EDA: variants seen among roughly 807,000 people sequenced by gnomAD.
EDA encodes the protein ectodysplasin-A.
In EDA, 2 loss-of-function variants were observed where a neutral mutation model predicts 23.6. That is an observed-to-expected ratio of 0.08 (90% CI 0.03 to 0.27). The LOEUF (loss-of-function observed/expected upper bound fraction) is 0.27. EDA is among the 10% of genes least tolerant of loss of function. The pLI is 1.00. For synonymous variants in EDA, 131 were observed against 132.0 expected (o/e 0.99, Z 0.05); for missense variants, 229 against 324.2 (o/e 0.71, Z 2.26).
intron 1 of EDA, among the ~76,000 whole-genome samples, chrX:69,947,301 C>T (rs972791368): frequency 4.4e-5 from 5 of 112,434 alleles, no homozygotes; most frequent in Non-Finnish European, 9.4e-5. Flanking sequence ...ATATGACATA[C>T]ATACAAACCA....
chrX:69,907,296 A>G (rs1403315306), intron 1 of EDA, among the ~76,000 whole-genome samples: 2 of 111,871 alleles, frequency 1.8e-5, no homozygotes, highest in Non-Finnish European at 3.8e-5. Flanking sequence ...GTCATATTCA[A>G]CATTTCCTGT....
At chrX:69,730,194 T>C (rs1041918667) in intron 1 of EDA, among the ~76,000 whole-genome samples, 3 of 111,441 alleles carry the variant, frequency 2.7e-5, no homozygotes, top group Non-Finnish European at 5.6e-5. Flanking sequence ...TTCTTCCTTT[T>C]GAATGAGAGG....
rs1241217651 is a variant in EDA at position 69,785,124 on chromosome X, AT to A, written c.396+168425del. On this transcript the variant is annotated intron_variant, in intron 1 of 7. Coordinates refer to ENST00000374552, the MANE Select transcript of EDA (RefSeq NM_001399.5). The stretch of plus-strand genomic sequence containing the variant: ...TTGTTGGTGTATAAGAATGCTTGTG[AT>A]TTTTGTACATTGATTTTGTATCCTG... Among the ~76,000 whole-genome samples, 861 of 102,156 alleles carry A rather than the reference AT, an allele frequency of 8.4e-3. 8 individuals carry two copies. Among genetic ancestry groups the A allele is most frequent in the African/African-American group, 0.029 (808 of 28,038 alleles). The allele number at this position is 102,156 out of a possible 115,157, so 88.7% of individuals were successfully genotyped here.
At chrX:69,674,174 G>T (rs1175162320) in intron 1 of EDA, among the ~76,000 whole-genome samples, 2 of 109,357 alleles carry the variant, frequency 1.8e-5, no homozygotes, top group Admixed American at 9.8e-5. Context: ...TTTGTTATTT[G>T]GGGTATACTT....
chrX:69,654,902 C>G (rs1272337746), intron 1 of EDA, among the ~76,000 whole-genome samples: 1 of 108,353 alleles, frequency 9.2e-6, no homozygotes, highest in Non-Finnish European at 1.9e-5. Flanking sequence ...ACATGTGTAA[C>G]AAACCTGCAC....
chrX:70,033,289 C>G (rs896926536), intron 6 of EDA, 109 bp from the exon 7 acceptor site: 1 of 1,072,710 alleles, frequency 9.3e-7, no homozygotes, highest in South Asian at 1.9e-5. Context: ...TCTAGGCTAC[C>G]CTGGTTGCAC....
intron 1 of EDA, among the ~76,000 whole-genome samples, chrX:69,879,089 G>A (rs6624445): frequency 0.083 from 8,160 of 98,687 alleles, 989 homozygotes; most frequent in East Asian, 0.74. Context: ...CCCCCTCCCC[G>A]CCCCCAACCG....
At chrX:69,943,000 A>G (rs980807084) in intron 1 of EDA, among the ~76,000 whole-genome samples, 3 of 110,608 alleles carry the variant, frequency 2.7e-5, no homozygotes, top group South Asian at 3.9e-4. Context: ...TGCATTCTTC[A>G]GTATGCCAAT....
chrX:69,726,224 C>A (rs2012796939), intron 1 of EDA, among the ~76,000 whole-genome samples: 1 of 111,864 alleles, frequency 8.9e-6, no homozygotes, highest in African/African-American at 3.3e-5. Context: ...CAGAGAGTGG[C>A]AGATACAATG....
intron 1 of EDA, among the ~76,000 whole-genome samples, chrX:69,629,478 C>T (rs1413444819): frequency 8.9e-6 from 1 of 112,031 alleles, no homozygotes; most frequent in African/African-American, 3.2e-5. Flanking sequence ...ATACCTACAA[C>T]GCTAACTGTA....
At chrX:69,800,703 A>G (rs2015663300) in intron 1 of EDA, among the ~76,000 whole-genome samples, 1 of 111,714 alleles carries the variant, frequency 9.0e-6, no homozygotes. Flanking sequence ...ATCATAATCC[A>G]TTTGTTACCA....
At chrX:69,743,416 ATTTG>A (rs1046554860) in intron 1 of EDA, among the ~76,000 whole-genome samples, 1 of 112,046 alleles carries the variant, frequency 8.9e-6, no homozygotes, top group African/African-American at 3.2e-5. Flanking sequence ...GTGAACTCTC[ATTTG>A]TTTGTATTAA....
chrX:69,968,052 T>C (rs756577913), intron 2 of EDA, among the ~76,000 whole-genome samples: 8 of 111,868 alleles, frequency 7.2e-5, no homozygotes, highest in Non-Finnish European at 1.5e-4. Flanking sequence ...AGACACTGTG[T>C]TATATTACAC....
intron 1 of EDA, among the ~76,000 whole-genome samples, chrX:69,833,333 A>G (rs1468102475): frequency 2.7e-5 from 3 of 111,503 alleles, no homozygotes; most frequent in Non-Finnish European, 3.8e-5. Flanking sequence ...TTCTGTGTGG[A>G]TTACGTTTAT....
chrX:69,838,117 G>A (rs1031022864), intron 1 of EDA, among the ~76,000 whole-genome samples: 1 of 112,305 alleles, frequency 8.9e-6, no homozygotes, highest in African/African-American at 3.2e-5. Flanking sequence ...TAAAGAACAG[G>A]CTGTCCCTTT....
chrX:69,971,830 A>G, intron 2 of EDA, among the ~76,000 whole-genome samples: 1 of 111,452 alleles, frequency 9.0e-6, no homozygotes, highest in Non-Finnish European at 1.9e-5. Context: ...TACTTAATGA[A>G]TATTTGTAGA....
intron 1 of EDA, among the ~76,000 whole-genome samples, chrX:69,699,741 GT>G (rs2011479551): frequency 9.0e-6 from 1 of 110,577 alleles, no homozygotes; most frequent in Non-Finnish European, 1.9e-5. Context: ...GTTTGGTGAG[GT>G]CTGGGAAAGT....
chrX:69,616,818 G>C, intron 1 of EDA, 114 bp downstream of exon 1: 1 of 1,004,922 alleles, frequency 1.0e-6, no homozygotes, highest in Non-Finnish European at 1.4e-6. Context: ...TAGAGGGCAG[G>C]ACCAGGGAGG....
chrX:69,644,767 T>C, intron 1 of EDA, among the ~76,000 whole-genome samples: 1 of 111,623 alleles, frequency 9.0e-6, no homozygotes. Flanking sequence ...AAATGGCTGT[T>C]ATTATTTTGA....
Sources: gnomAD v4.1 joint callset for allele counts (sites outside exome capture counted in the v4.1 genomes callset) on GRCh38, gnomAD v4.1.1 for gene constraint, MANE v1.5 for transcripts, NCBI Gene and HGNC (gene_info 2026-07-23, HGNC 2026-07-21) for gene names.